PCLO: variants seen among roughly 807,000 people sequenced by gnomAD.
PCLO encodes piccolo presynaptic cytomatrix protein.
PCLO carries 82 observed loss-of-function variants against 427.5 expected under a neutral mutation model. That is an observed-to-expected ratio of 0.19 (90% CI 0.16 to 0.23). The LOEUF is 0.23. PCLO is among the 10% of genes least tolerant of loss of function. The pLI is 1.00. For synonymous variants in PCLO, 2,357 were observed against 2,155.4 expected, an observed-to-expected ratio of 1.09 and a Z score of -2.59; for missense variants, 6,239 against 6,115.9, an observed-to-expected ratio of 1.02 and a Z score of -0.67.
In PCLO at chr7:82,954,504, G is replaced by A; in HGVS notation, c.6449C>T (p.Thr2150Ile). The part of the protein sequence containing the change: ...EIEDEYVTDY[T>I]REIQEIIAHE... ...GGCAATTATCTCTTGAATTTCTCTT[G>A]TATAATCGGTTACATATTCATCCTC... The change falls in exon 5 of 25, where the codon ACA becomes ATA. Residue 2150 changes from threonine (T) to isoleucine (I), a missense_variant. By Grantham distance (89) the Thr-to-Ile change is moderately conservative (BLOSUM62 -1). Around this residue, in one of 5 missense-constraint regions of PCLO, gnomAD observed 4,677 missense variants for 4,468.4 expected, o/e 1.05. Transcript: ENST00000333891. The A allele has an allele frequency of 6.2e-7, 1 of 1,613,934 alleles. No homozygotes were observed. The highest frequency in any genetic ancestry group is 8.5e-7 in the Non-Finnish European group (1 of 1,179,850).
chr7:82,779,798 T>C (rs899595400), intron 22 of PCLO, among the ~76,000 whole-genome samples: 1 of 147,578 alleles, frequency 6.8e-6, no homozygotes, highest in African/African-American at 2.5e-5. Context: ...TGGAGTGCAA[T>C]GGCTGTAATT....
Position 83,135,393 on chromosome 7 carries a change from C to T in PCLO, c.2157G>A (p.Lys719=), listed in dbSNP as rs1224338959. ...AATCTGCCTCAGGGGGCTGCTTGGC[C>T]TTGGCTGAAGGAGAGCCATGAAGGG... ...QPTLHGSPSA[K]AKQPPEADSL... is the part of the protein sequence containing the mutation. Residue 719 remains lysine (K), a synonymous_variant, in exon 3 of 25, where the codon AAG becomes AAA. Coordinates refer to ENST00000333891, the MANE Select transcript of PCLO (RefSeq NM_033026.6). The T allele has an allele frequency of 1.2e-6, 2 of 1,613,786 alleles. No individual in the cohort carries two copies. Among genetic ancestry groups the T allele is most frequent in the African/African-American group, 1.3e-5 (1 of 74,900 alleles).
intron 20 of PCLO, among the ~76,000 whole-genome samples, chr7:82,814,166 C>T (rs138680142): frequency 1.5e-4 from 23 of 151,570 alleles, no homozygotes; most frequent in African/African-American, 3.4e-4. Flanking sequence ...GTAACAATTA[C>T]GGATGTGTAA....
chr7:83,019,816 C>A (rs1220857411), intron 3 of PCLO, among the ~76,000 whole-genome samples: 1 of 152,020 alleles, frequency 6.6e-6, no homozygotes, highest in Non-Finnish European at 1.5e-5. Flanking sequence ...GAGAATCCAT[C>A]AGACTCTGGG....
chr7:82,870,641 G>C (rs1354688979), intron 10 of PCLO, among the ~76,000 whole-genome samples: 1 of 151,928 alleles, frequency 6.6e-6, no homozygotes, highest in Non-Finnish European at 1.5e-5. Context: ...AATCAACAAA[G>C]TGAAGAGACA....
chr7:82,960,104 A>C (rs946426115), intron 4 of PCLO, among the ~76,000 whole-genome samples: 4 of 152,216 alleles, frequency 2.6e-5, no homozygotes, highest in Non-Finnish European at 5.9e-5. Context: ...TAAAGAACTG[A>C]ATTCTAGATG....
intron 9 of PCLO, among the ~76,000 whole-genome samples, chr7:82,890,355 T>G (rs1793728608): frequency 6.6e-6 from 1 of 152,054 alleles, no homozygotes; most frequent in South Asian, 2.1e-4. Flanking sequence ...TATAGTTTCA[T>G]GTGTTCATTG....
intron 1 of PCLO, among the ~76,000 whole-genome samples, chr7:83,161,014 C>T (rs1457426940): frequency 6.6e-6 from 1 of 152,034 alleles, no homozygotes; most frequent in African/African-American, 2.4e-5. Flanking sequence ...TTCCAAATAG[C>T]CCCATGGATT....
Position 82,909,073 on chromosome 7 carries a change from A to C in PCLO, c.13301-60T>G, listed in dbSNP as rs140415082. 1,742 of 1,563,212 alleles carry C rather than the reference A, an allele frequency of 1.1e-3. 22 individuals are homozygous for C. The African/African-American group carries it at 0.02, about 18-fold the overall frequency. ...GGCAAGTAATACAGATGATTGAGGG[A>C]AGCAGATGTTCTGTAGTACTAGCAT... is the stretch of plus-strand genomic sequence containing the variant. On this transcript the variant is annotated intron_variant, in intron 7 of 24. Transcript: ENST00000333891.
chr7:82,952,861 T>C lies in PCLO; in HGVS notation c.8092A>G (p.Ile2698Val). 1 of 1,613,892 alleles carries C rather than the reference T, an allele frequency of 6.2e-7. No individual in the cohort carries two copies. The highest frequency in any genetic ancestry group is 2.2e-5 in the East Asian group (1 of 44,858). Residue 2698 changes from isoleucine to valine, a missense_variant, in exon 5 of 25, where the codon ATT becomes GTT. Physicochemically the swap from Ile to Val is conservative, Grantham distance 29. This residue lies in a region of PCLO where 4,677 missense variants were observed against 4,468.4 expected (regional missense o/e 1.05). Coordinates refer to ENST00000333891, the MANE Select transcript of PCLO (RefSeq NM_033026.6). The stretch of plus-strand genomic sequence containing the variant: ...TCTAGAGCAAGAGGCTCTGGAGGAA[T>C]TGTTATGGAAATGCTGCTGAGACCA... Reference protein sequence around the residue: ...SVGLSSISITIPPEPLALDNI... With the variant: ...SVGLSSISITVPPEPLALDNI...
chr7:82,940,261 C>A (rs550071687), intron 6 of PCLO, among the ~76,000 whole-genome samples: 3 of 152,142 alleles, frequency 2.0e-5, no homozygotes, highest in East Asian at 3.9e-4. Context: ...AATACAATAC[C>A]ATTGTTGTTT....
chr7:82,899,877 G>A (rs1793998473), intron 9 of PCLO, among the ~76,000 whole-genome samples: 2 of 151,446 alleles, frequency 1.3e-5, no homozygotes, highest in African/African-American at 4.8e-5. Flanking sequence ...CTAGAAAACA[G>A]GCACATTGGC....
At chr7:82,882,753 A>G (rs897348663) in intron 9 of PCLO, among the ~76,000 whole-genome samples, 4 of 152,150 alleles carry the variant, frequency 2.6e-5, no homozygotes, top group African/African-American at 9.6e-5. Context: ...TATGTACATT[A>G]TAAGTATTTG....
At chr7:83,045,502 A>G (rs188197764) in intron 3 of PCLO, among the ~76,000 whole-genome samples, 46 of 152,174 alleles carry the variant, frequency 3.0e-4, no homozygotes, top group African/African-American at 1.1e-3. Flanking sequence ...AGATATTTGC[A>G]TATATGCATG....
At position 82,845,330 on chromosome 7, in the gene PCLO, G is replaced by A. The variant is rs1792470854; in HGVS notation, c.13987C>T (p.Pro4663Ser). The change falls in exon 13 of 25, where the codon CCC becomes TCC. Residue 4663 changes from proline (P) to serine (S), a missense_variant. This residue lies in a region of PCLO where 877 missense variants were observed against 925.5 expected (regional missense o/e 0.95). Coordinates refer to ENST00000333891, the MANE Select transcript of PCLO (RefSeq NM_033026.6). ...GGGGACCCTGGTTGCCCAGGGCTGG[G>A]AACGGAACTGGATCCTGCTGATGTA... ...GPTSAGSSSV[P>S]SPGQPGSPSV... The A allele has an allele frequency of 1.2e-6, 2 of 1,613,518 alleles. No individual in the cohort carries two copies. The highest frequency in any genetic ancestry group is 1.7e-6 in the Non-Finnish European group (2 of 1,179,680).
intron 2 of PCLO, among the ~76,000 whole-genome samples, chr7:83,144,244 A>G (rs1791937654): frequency 6.6e-6 from 1 of 152,166 alleles, no homozygotes; most frequent in South Asian, 2.1e-4. Context: ...CAACATGGTG[A>G]AACCCTGTCT....
At chr7:82,768,422 CAAA>C (rs528186012) in intron 22 of PCLO, among the ~76,000 whole-genome samples, 8 of 91,060 alleles carry the variant, frequency 8.8e-5, no homozygotes, top group Admixed American at 1.3e-4. Flanking sequence ...GACTCTGTCT[CAAA>C]AAAAAAAAAA....
In PCLO at chr7:82,956,142, G is replaced by A. The variant is rs1426180724; in HGVS notation, c.4811C>T (p.Thr1604Ile). 5.6e-6 allele frequency: 9 copies of A among 1,608,572 alleles called. No homozygotes were observed. The highest frequency in any genetic ancestry group is 6.8e-6 in the Non-Finnish European group (8 of 1,179,844). The change falls in exon 5 of 25, where the codon ACA becomes ATA. Residue 1604 changes from threonine (T) to isoleucine (I), a missense_variant. By Grantham distance (89) the Thr-to-Ile change is moderately conservative. This residue lies in a region of PCLO where 4,677 missense variants were observed against 4,468.4 expected (regional missense o/e 1.05). Coordinates refer to ENST00000333891, the MANE Select transcript of PCLO (RefSeq NM_033026.6). Reference protein sequence around the residue: ...KEETKGKGKITAGKHRRLTRK... With the variant: ...KEETKGKGKIIAGKHRRLTRK... ...AGTCAGTCGTCTGTGTTTCCCTGCT[G>A]TTATTTTGCCTTTTCCCTTTGTTTC...
rs1790292873 is a variant in PCLO at position 82,755,256 on chromosome 7, G to A, written c.*3319C>T. ...TATGCTGAAAATATGCGTTTAATTA[G>A]TGTAATTTATTAAAATATGGGCAAT... On this transcript the variant is annotated 3_prime_UTR_variant, in exon 25 of 25. Transcript: ENST00000333891. The A allele has an allele frequency of 6.6e-6, 1 of 152,030 alleles. No homozygotes were observed. The highest frequency in any genetic ancestry group is 2.4e-5 in the African/African-American group (1 of 41,470). 9.4% of individuals were successfully genotyped at this position (152,030 alleles called of 1,614,324 possible). A position where few individuals can be genotyped will look rare whatever the true frequency, so the allele number is the denominator to read the frequency against.
Sources: allele counts gnomAD v4.1 joint callset (sites outside exome capture counted in the v4.1 genomes callset), GRCh38; gene constraint gnomAD v4.1.1; regional missense constraint gnomAD v4.1.1; transcripts MANE v1.5; gene names NCBI Gene and HGNC (gene_info 2026-07-23, HGNC 2026-07-21).